Variants in GRID2 observed in about 807,000 individuals in gnomAD.
The protein encoded by GRID2 is glutamate receptor ionotropic, delta-2.
Under a neutral mutation model 114.8 loss-of-function variants are expected in GRID2, and 33 were observed. The observed-to-expected ratio is 0.29, with a 90% CI of 0.22 to 0.38. The LOEUF (loss-of-function observed/expected upper bound fraction) is 0.38, where lower values mean the gene tolerates loss of function less well. GRID2 is among the 10% of genes least tolerant of loss of function. The pLI, the probability that GRID2 is intolerant of heterozygous loss-of-function variation, is 1.00. For synonymous variants in GRID2, 505 were observed against 449.9 expected (o/e 1.12, Z -1.55); for missense variants, 1,184 against 1,257.7 (o/e 0.94, Z 0.89).
chr4:92,331,485 A>G (rs1375951339), intron 1 of GRID2, among the ~76,000 whole-genome samples: 1 of 152,168 alleles, frequency 6.6e-6, no homozygotes, highest in Non-Finnish European at 1.5e-5. Context: ...CTTTTCTTTT[A>G]TTGAGGGTAA....
At chr4:92,457,673 T>C (rs1290601861) in intron 1 of GRID2, among the ~76,000 whole-genome samples, 2 of 152,140 alleles carry the variant, frequency 1.3e-5, no homozygotes, top group Non-Finnish European at 2.9e-5. Context: ...ATTATATGTG[T>C]AGCTTGTGAA....
intron 13 of GRID2, among the ~76,000 whole-genome samples, chr4:93,534,127 T>C (rs1731783345): frequency 6.6e-6 from 1 of 152,146 alleles, no homozygotes; most frequent in Non-Finnish European, 1.5e-5. Flanking sequence ...CTTAGTTCAA[T>C]GTTACCTTTT....
intron 2 of GRID2, among the ~76,000 whole-genome samples, chr4:92,903,635 T>A (rs1242515940): frequency 6.6e-6 from 1 of 151,932 alleles, no homozygotes; most frequent in Non-Finnish European, 1.5e-5. Flanking sequence ...GCTCTTGGGA[T>A]TTTTAATGGG....
chr4:93,725,951 G>A (rs922577242), intron 14 of GRID2, among the ~76,000 whole-genome samples: 6 of 152,110 alleles, frequency 3.9e-5, no homozygotes, highest in Admixed American at 3.9e-4. Flanking sequence ...CACTCTGATG[G>A]TAGTTTCTTT....
At chr4:92,743,216 G>A (rs1000318164) in intron 2 of GRID2, among the ~76,000 whole-genome samples, 2 of 152,186 alleles carry the variant, frequency 1.3e-5, no homozygotes, top group African/African-American at 4.8e-5. Flanking sequence ...GGTCAAGGCT[G>A]CATTGAGCTG....
intron 2 of GRID2, among the ~76,000 whole-genome samples, chr4:92,605,022 T>G (rs771964685): frequency 1.6e-4 from 24 of 152,208 alleles, no homozygotes; most frequent in Non-Finnish European, 3.1e-4. Flanking sequence ...TTGCTTAGTA[T>G]TTCTCCTTCC....
chr4:92,913,670 C>T (rs2149493361), intron 2 of GRID2, among the ~76,000 whole-genome samples: 1 of 152,004 alleles, frequency 6.6e-6, no homozygotes, highest in East Asian at 1.9e-4. Context: ...TAGCATTTGA[C>T]TAGCTTTAGA....
At chr4:93,539,534 A>G (rs1268728111) in intron 13 of GRID2, among the ~76,000 whole-genome samples, 2 of 152,096 alleles carry the variant, frequency 1.3e-5, no homozygotes, top group East Asian at 1.9e-4. Flanking sequence ...TTCCCTTAGC[A>G]TGTGTTAGGT....
At chr4:92,390,475 A>G (rs1730186866) in intron 1 of GRID2, among the ~76,000 whole-genome samples, 1 of 152,186 alleles carries the variant, frequency 6.6e-6, no homozygotes, top group African/African-American at 2.4e-5. Flanking sequence ...GGCTGTGTTT[A>G]GTTCTGGCCC....
chr4:93,035,530 A>C (rs935049739), intron 2 of GRID2, among the ~76,000 whole-genome samples: 1 of 152,144 alleles, frequency 6.6e-6, no homozygotes, highest in Non-Finnish European at 1.5e-5. Context: ...GGTCGCCTGC[A>C]AACTGAGCAT....
chr4:92,689,897 C>A (rs1283503048), intron 2 of GRID2, among the ~76,000 whole-genome samples: 1 of 152,092 alleles, frequency 6.6e-6, no homozygotes, highest in African/African-American at 2.4e-5. Context: ...TCAGCCTTCA[C>A]GTAATTGAAG....
intron 8 of GRID2, among the ~76,000 whole-genome samples, chr4:93,313,990 A>G (rs1375858785): frequency 1.3e-5 from 2 of 152,132 alleles, no homozygotes; most frequent in African/African-American, 4.8e-5. Context: ...ACAGTATTAT[A>G]TCTTGGAACT....
At position 92,473,054 on chromosome 4, in the gene GRID2, G is replaced by C. The variant is rs574618423; in HGVS notation, c.89-117077G>C. ...TTTTAAGTTTAATGTTTAGCTCTGT[G>C]AATGATTTTGGGTTATTTTTGCATA... is the stretch of plus-strand genomic sequence containing the variant. On this transcript the variant is annotated intron_variant, in intron 1 of 15. Coordinates refer to ENST00000282020, the MANE Select transcript of GRID2 (RefSeq NM_001510.4). Among the ~76,000 whole-genome samples, 43 of 152,070 alleles carry C rather than the reference G, an allele frequency of 2.8e-4. No homozygotes were observed. The South Asian group carries it at 8.7e-3, about 31-fold the overall frequency.
chr4:93,389,565 T>A (rs764901801), intron 8 of GRID2, among the ~76,000 whole-genome samples: 1 of 152,162 alleles, frequency 6.6e-6, no homozygotes, highest in Non-Finnish European at 1.5e-5. Flanking sequence ...AATACAACAA[T>A]ACTATGATAA....
At chr4:93,285,004 A>G (rs74972647) in intron 8 of GRID2, among the ~76,000 whole-genome samples, 7,720 of 151,990 alleles carry the variant, frequency 0.051, 498 homozygotes, top group East Asian at 0.26. Flanking sequence ...TGATGTTGGA[A>G]TTTTTTAATT....
intron 1 of GRID2, among the ~76,000 whole-genome samples, chr4:92,575,853 G>C (rs551387876): frequency 1.1e-4 from 17 of 152,356 alleles, no homozygotes; most frequent in African/African-American, 3.6e-4. Context: ...CTCCCTCCCA[G>C]AGAGAAATTA....
At position 92,897,330 on chromosome 4, in the gene GRID2, T is replaced by G. The variant is rs181490945; in HGVS notation, c.245-187665T>G. On this transcript the variant is annotated intron_variant, in intron 2 of 15. Coordinates refer to ENST00000282020, the MANE Select transcript of GRID2 (RefSeq NM_001510.4). ...AAACAACTATCCATCTCTTTAATACTATTCAGATTTTAAGCCTGTGATTTT... is the reference window on the plus strand; with the variant it reads ...AAACAACTATCCATCTCTTTAATACGATTCAGATTTTAAGCCTGTGATTTT... 4.1e-3 allele frequency among the ~76,000 whole-genome samples: 631 copies of G among 152,274 alleles called. 8 individuals are homozygous for G. The highest frequency in any genetic ancestry group is 0.014 in the African/African-American group (595 of 41,560).
intron 2 of GRID2, among the ~76,000 whole-genome samples, chr4:92,622,501 G>A (rs999819049): frequency 1.1e-4 from 17 of 151,614 alleles, no homozygotes; most frequent in Admixed American, 4.6e-4. Flanking sequence ...AGAATGAGGG[G>A]AAAATTAAGT....
At chr4:93,718,223 A>T (rs891177724) in intron 14 of GRID2, among the ~76,000 whole-genome samples, 9 of 152,234 alleles carry the variant, frequency 5.9e-5, no homozygotes, top group Admixed American at 3.3e-4. Flanking sequence ...CCCTATATGC[A>T]TTTCCAGGAA....
Sources: allele counts gnomAD v4.1 joint callset (sites outside exome capture counted in the v4.1 genomes callset), GRCh38; gene constraint gnomAD v4.1.1; transcripts MANE v1.5; gene names NCBI Gene and HGNC (gene_info 2026-07-23, HGNC 2026-07-21).